PRKCA: variants seen among roughly 807,000 people sequenced by gnomAD.
PRKCA encodes protein kinase C alpha type.
A neutral mutation model predicts 87.0 loss-of-function variants in PRKCA; 27 were observed. That is an observed-to-expected ratio of 0.31 (90% CI 0.23 to 0.43). The LOEUF is 0.43. Among genes scored for constraint, PRKCA ranks in the 20% least tolerant of loss-of-function variants. PRKCA has a pLI of 1.00. For synonymous variants in PRKCA, 329 were observed against 311.1 expected (o/e 1.06, Z -0.61); for missense variants, 518 against 852.3 (o/e 0.61, Z 4.88).
chr17:66,698,561 A>G (rs1294462429), intron 8 of PRKCA, among the ~76,000 whole-genome samples: 1 of 152,168 alleles, frequency 6.6e-6, no homozygotes, highest in African/African-American at 2.4e-5. Context: ...AGAAAACAGA[A>G]ACAAATGAAA....
intron 3 of PRKCA, among the ~76,000 whole-genome samples, chr17:66,634,054 A>G (rs949451586): frequency 2.6e-5 from 4 of 152,350 alleles, no homozygotes; most frequent in African/African-American, 9.6e-5. Flanking sequence ...AGCGGTAATG[A>G]TGATGGTGAT....
At chr17:66,495,577 G>A (rs898259001) in intron 2 of PRKCA, among the ~76,000 whole-genome samples, 2 of 62,758 alleles carry the variant, frequency 3.2e-5, no homozygotes, top group Non-Finnish European at 8.5e-5. Flanking sequence ...TTGAGACGGA[G>A]TTTCACTCTT....
At chr17:66,399,259 T>C (rs545385158) in intron 2 of PRKCA, among the ~76,000 whole-genome samples, 2 of 151,952 alleles carry the variant, frequency 1.3e-5, no homozygotes, top group Non-Finnish European at 2.9e-5. Flanking sequence ...AATTTTTGTA[T>C]TTTTTTGTAG....
chr17:66,778,561 G>T (rs1975121617), intron 14 of PRKCA, among the ~76,000 whole-genome samples: 1 of 152,054 alleles, frequency 6.6e-6, no homozygotes, highest in Non-Finnish European at 1.5e-5. Flanking sequence ...CTTTAAAGAT[G>T]ACACCTTAGA....
intron 2 of PRKCA, among the ~76,000 whole-genome samples, chr17:66,363,375 T>A (rs1908511324): frequency 1.3e-5 from 2 of 152,244 alleles, no homozygotes; most frequent in South Asian, 4.1e-4. Flanking sequence ...CTGATTTTCT[T>A]AGTGTGAGAC....
intron 3 of PRKCA, 103 bp downstream of exon 3, chr17:66,496,386 G>A (rs1034571306): frequency 2.1e-6 from 2 of 947,592 alleles, no homozygotes; most frequent in African/African-American, 1.6e-5. Context: ...CTGTTAATGG[G>A]AAGACTCAAT....
At chr17:66,527,377 T>G (rs1967381142) in intron 3 of PRKCA, among the ~76,000 whole-genome samples, 1 of 152,216 alleles carries the variant, frequency 6.6e-6, no homozygotes. Context: ...ATCCTTAAAG[T>G]TTATAAGGCG....
At chr17:66,750,210 A>G (rs1974397953) in intron 13 of PRKCA, among the ~76,000 whole-genome samples, 1 of 151,988 alleles carries the variant, frequency 6.6e-6, no homozygotes, top group Non-Finnish European at 1.5e-5. Flanking sequence ...CTTCTGAACC[A>G]TGGGCCCCGC....
chr17:66,731,199 A>C (rs1301958467), intron 8 of PRKCA, among the ~76,000 whole-genome samples: 3 of 151,968 alleles, frequency 2.0e-5, no homozygotes, highest in African/African-American at 7.3e-5. Context: ...AAACATACAA[A>C]AAAATTAGCC....
At position 66,727,435 on chromosome 17, in the gene PRKCA, G is replaced by C. The variant is rs138011361; in HGVS notation, c.919-5253G>C. Among the ~76,000 whole-genome samples, 291 of 152,186 alleles carry C rather than the reference G, an allele frequency of 1.9e-3. 3 individuals carry two copies. The highest frequency in any genetic ancestry group is 3.3e-3 in the South Asian group (16 of 4,822). On this transcript the variant is annotated intron_variant, in intron 8 of 16. Transcript: ENST00000413366. ...GTGTTCCTGGAACGGCCGTGGCACT[G>C]GTGGGTAGAGGATTGAGGATGTTAA...
chr17:66,403,497 T>C (rs1415266954), intron 2 of PRKCA: 1 of 152,252 alleles, frequency 6.6e-6, no homozygotes, highest in Non-Finnish European at 1.5e-5. Context: ...GAATTTACCC[T>C]GTGAGCTATA....
chr17:66,772,891 T>A (rs1389071924), intron 13 of PRKCA, among the ~76,000 whole-genome samples: 4 of 152,216 alleles, frequency 2.6e-5, no homozygotes, highest in African/African-American at 7.2e-5. Flanking sequence ...TGTTTTTTTT[T>A]AATTTAAGAT....
rs1361156710 is a variant in PRKCA, at chr17:66,807,175, G to A, written c.*3138G>A. ...GATGCTTTGGGAAGTCCTTGCCCCT[G>A]AGCACTGCCTGATTGCCAGGGCCTG... On this transcript the variant is annotated 3_prime_UTR_variant, in exon 17 of 17. Coordinates refer to ENST00000413366, the MANE Select transcript of PRKCA (RefSeq NM_002737.3). The surrounding 1 kb of genome is among the most constrained non-coding windows in gnomAD (Gnocchi z 4.3). 1 of 152,330 alleles carries A rather than the reference G, an allele frequency of 6.6e-6. No individual in the cohort carries two copies. The highest frequency in any genetic ancestry group is 2.4e-5 in the African/African-American group (1 of 41,470). The allele number at this position is 152,330 out of a possible 1,614,324, so 9.4% of individuals were successfully genotyped here. A position where few individuals can be genotyped will look rare whatever the true frequency, so the allele number is the denominator to read the frequency against.
At chr17:66,451,571 G>A (rs915951961) in intron 2 of PRKCA, among the ~76,000 whole-genome samples, 20 of 152,106 alleles carry the variant, frequency 1.3e-4, no homozygotes, top group African/African-American at 4.1e-4. Flanking sequence ...ATGTTGTAGC[G>A]AATGTCTAAG....
chr17:66,690,087 ACCT>A (rs1028447668), intron 8 of PRKCA, among the ~76,000 whole-genome samples: 12 of 151,884 alleles, frequency 7.9e-5, no homozygotes, highest in Non-Finnish European at 1.6e-4. Flanking sequence ...GGGATAATAA[ACCT>A]CCTTCATGCC....
chr17:66,402,772 G>T (rs1465759086), intron 2 of PRKCA, among the ~76,000 whole-genome samples: 2 of 152,236 alleles, frequency 1.3e-5, no homozygotes, highest in African/African-American at 4.8e-5. Flanking sequence ...TTAGGGTAAA[G>T]AAGGAATAAT....
intron 2 of PRKCA, among the ~76,000 whole-genome samples, chr17:66,404,742 CTTTT>C (rs773919783): frequency 7.9e-4 from 43 of 54,224 alleles, no homozygotes; most frequent in South Asian, 4.3e-3. Context: ...GATGGTAGGC[CTTTT>C]TTTTTTTTTT....
intron 2 of PRKCA, among the ~76,000 whole-genome samples, chr17:66,350,436 A>G (rs1907672136): frequency 6.6e-6 from 1 of 152,190 alleles, no homozygotes; most frequent in Non-Finnish European, 1.5e-5. Context: ...TTCCTAAAGG[A>G]AACAGAAAAT....
chr17:66,694,307 C>A (rs113565506), intron 8 of PRKCA, among the ~76,000 whole-genome samples: 10,347 of 151,724 alleles, frequency 0.068, 383 homozygotes, highest in South Asian at 0.14. Flanking sequence ...ATGGTGAAAC[C>A]CTGTCTCTAC....
Sources: gnomAD v4.1 joint callset for allele counts (sites outside exome capture counted in the v4.1 genomes callset) on GRCh38, gnomAD v4.1.1 for gene constraint, Gnocchi (gnomAD v3.1) non-coding constraint, MANE v1.5 for transcripts, NCBI Gene and HGNC (gene_info 2026-07-23, HGNC 2026-07-21) for gene names.